Variants in BEST2 observed in about 807,000 individuals in gnomAD.
BEST2 encodes the protein bestrophin 2, also known as bestrophin-2a.
In BEST2, 36 loss-of-function variants were observed where a neutral mutation model predicts 49.0. The ratio of observed to expected loss-of-function variants is 0.73; its 90% CI spans 0.56 to 0.97. The LOEUF (loss-of-function observed/expected upper bound fraction) is 0.97. Among genes scored for constraint, BEST2 ranks in the 50% least tolerant of loss-of-function variants. The pLI, the probability that BEST2 is intolerant of heterozygous loss-of-function variation, is 0.00. For missense variants in BEST2, 672 were observed against 710.0 expected (o/e 0.95, Z 0.61); for synonymous variants, 335 against 304.4 (o/e 1.10, Z -1.05).
Position 12,755,209 on chromosome 19 carries a change from T to C in BEST2, c.637-170T>C, listed in dbSNP as rs896138587. Among the ~76,000 whole-genome samples, 1 of 152,020 alleles carries C rather than the reference T, an allele frequency of 6.6e-6. No individual in the cohort carries two copies. Among genetic ancestry groups the C allele is most frequent in the Admixed American group, 6.6e-5 (1 of 15,266 alleles). Reference sequence around the variant, plus strand: ...CCTTGAGGGGCAGCTCCTGGGTGCATGGTACCTCATCCAGGTGCACACTCA... The same window carrying C: ...CCTTGAGGGGCAGCTCCTGGGTGCACGGTACCTCATCCAGGTGCACACTCA... On this transcript the variant is annotated intron_variant, in intron 5 of 9. Transcript: ENST00000553030. This position sits in a 1 kb window ranked among gnomAD's most constrained non-coding sequence, Gnocchi z 4.4.
Position 12,755,058 on chromosome 19 carries a change from A to T in BEST2, c.636+27A>T, listed in dbSNP as rs988876016. ...TGGGCCCAACCAGGAGGTCATTCATATAGAATACCAGGGAAATTGTACCCC... is the reference window on the plus strand; with the variant it reads ...TGGGCCCAACCAGGAGGTCATTCATTTAGAATACCAGGGAAATTGTACCCC... On this transcript the variant is annotated intron_variant, in intron 5 of 9. Transcript: ENST00000553030. The surrounding 1 kb of genome is among the most constrained non-coding windows in gnomAD (Gnocchi z 4.4). 6.3e-7 allele frequency: 1 copy of T among 1,575,552 alleles called. No homozygotes were observed. The highest frequency in any genetic ancestry group is 2.0e-5 in the Admixed American group (1 of 49,698).
intron 9 of BEST2, 49 bp downstream of exon 9, chr19:12,756,344 T>C: frequency 6.3e-7 from 1 of 1,598,022 alleles, no homozygotes; most frequent in Non-Finnish European, 8.5e-7. Flanking sequence ...CTTATGGCTC[T>C]GCGGGGCACA....
At position 12,752,737 on chromosome 19, in the gene BEST2, G is replaced by A; in HGVS notation, c.145G>A (p.Ala49Thr). Residue 49 changes from alanine (A) to threonine (T), a missense_variant, in exon 2 of 10, where the codon GCC (alanine) becomes ACC (threonine). Ala to Thr is a moderately conservative substitution (Grantham distance 58). Transcript: ENST00000553030. ...FLGFYMALSA[A>T]YRFVLTEGQK... ...TGGGTTCTACATGGCGCTGAGTGCT[G>A]CCTACCGGTGAGGCTGCCCTGAGGT... The A allele has an allele frequency of 6.2e-7, 1 of 1,611,434 alleles. No individual in the cohort carries two copies. Among genetic ancestry groups the A allele is most frequent in the South Asian group, 1.1e-5 (1 of 90,988 alleles).
At chr19:12,757,516 TG>T in intron 9 of BEST2, 134 bp from the exon 10 acceptor site, 1 of 974,742 alleles carries the variant, frequency 1.0e-6, no homozygotes, top group Non-Finnish European at 1.5e-6. Flanking sequence ...GGCCAGGCTC[TG>T]GGTTTAGGAG....
chr19:12,754,468 CG>C lies in BEST2; in HGVS notation c.248-83del, dbSNP rs1967911057. 5.1e-6 allele frequency: 6 copies of C among 1,176,094 alleles called. No homozygotes were observed. In the East Asian group the frequency reaches 1.6e-4, roughly 32 times the overall value. 72.9% of individuals were successfully genotyped at this position (1,176,094 alleles called of 1,614,324 possible). A position where few individuals can be genotyped will look rare whatever the true frequency, so the allele number is the denominator to read the frequency against. On this transcript the variant is annotated intron_variant, in intron 3 of 9. Coordinates refer to ENST00000553030, the MANE Select transcript of BEST2 (RefSeq NM_017682.3). ...TCGGGTTTCCCTGATGCAGACCTTACGTTGCCCCCTCTCCCACAACCTGGGC... is the reference window on the plus strand; with the variant it reads ...TCGGGTTTCCCTGATGCAGACCTTACTTGCCCCCTCTCCCACAACCTGGGC...
intron 2 of BEST2, 52 bp from the exon 3 acceptor site, chr19:12,753,208 C>G: frequency 6.3e-7 from 1 of 1,578,958 alleles, no homozygotes; most frequent in Non-Finnish European, 8.7e-7. Context: ...AGATCTGAAG[C>G]TGGGGATGGA....
chr19:12,753,102 C>T (rs758059504), intron 2 of BEST2, among the ~76,000 whole-genome samples, 158 bp from the exon 3 acceptor site: 7 of 151,988 alleles, frequency 4.6e-5, no homozygotes, highest in African/African-American at 9.7e-5. Flanking sequence ...CCTCCTGCCT[C>T]GGCCTCCCAA....
rs773094930 is a variant in BEST2, at chr19:12,754,984, C to G, written c.589C>G (p.Arg197Gly). Reference protein sequence around the residue: ...WFSNLAAQARREGRIRDNSAL... With the variant: ...WFSNLAAQARGEGRIRDNSAL... ...CTCCAACCTGGCGGCACAGGCCCGACGCGAGGGCCGCATCCGCGACAACAG... is the reference window on the plus strand; with the variant it reads ...CTCCAACCTGGCGGCACAGGCCCGAGGCGAGGGCCGCATCCGCGACAACAG... The change falls in exon 5 of 10, where the codon CGC (arginine) becomes GGC (glycine). Residue 197 changes from arginine to glycine, a missense_variant. Coordinates refer to ENST00000553030, the MANE Select transcript of BEST2 (RefSeq NM_017682.3). The G allele has an allele frequency of 3.7e-6, 6 of 1,612,282 alleles. No individual in the cohort carries two copies. Among genetic ancestry groups the G allele is most frequent in the Middle Eastern group, 3.3e-4 (2 of 6,044 alleles).
In BEST2 at chr19:12,755,095, C is replaced by A; in HGVS notation, c.636+64C>A. 1.3e-6 allele frequency: 2 copies of A among 1,520,712 alleles called. No homozygotes were observed. Among genetic ancestry groups the A allele is most frequent in the South Asian group, 1.3e-5 (1 of 76,276 alleles). 94.2% of individuals were successfully genotyped at this position (1,520,712 alleles called of 1,614,324 possible). The stretch of plus-strand genomic sequence containing the variant: ...GGAAATTGTACCCCTGGAGCTGTGT[C>A]AACGGCGGCCCTCCAAGCACCCCCA... On this transcript the variant is annotated intron_variant, in intron 5 of 9. Coordinates refer to ENST00000553030, the MANE Select transcript of BEST2 (RefSeq NM_017682.3). This position sits in a 1 kb window ranked among gnomAD's most constrained non-coding sequence, Gnocchi z 4.4.
chr19:12,756,566 A>C (rs1187158192), intron 9 of BEST2: 2 of 475,194 alleles, frequency 4.2e-6, no homozygotes, highest in East Asian at 7.7e-5. Flanking sequence ...GGCTGAGGCC[A>C]GGAGCACTGG....
At chr19:12,752,779 A>AC (rs200473398) in intron 2 of BEST2, 35 bp downstream of exon 2, 20,837 of 1,562,942 alleles carry the variant, frequency 0.013, 195 homozygotes, top group Middle Eastern at 0.023. Context: ...GTTCTAGCGG[A>AC]GGGGGGGCAG....
rs915254346 is a variant in BEST2 at position 12,757,648 on chromosome 19, C to A, written c.1104-3C>A. On this transcript the variant is annotated splice_polypyrimidine_tract_variant and splice_region_variant and intron_variant, in intron 9 of 9. Transcript: ENST00000553030. ...CAGCGCTGGCCCACTGTCGGTCCCG[C>A]AGGCTGGCCAAAGAAGACATGCAGT... The A allele has an allele frequency of 2.0e-6, 3 of 1,534,538 alleles. No individual in the cohort carries two copies. Among genetic ancestry groups the A allele is most frequent in the Non-Finnish European group, 2.6e-6 (3 of 1,146,280 alleles).
In BEST2 at chr19:12,753,348, G is replaced by A. The variant is rs746437107; in HGVS notation, c.241G>A (p.Val81Met). 1.2e-5 allele frequency: 20 copies of A among 1,613,866 alleles called. No homozygotes were observed. The highest frequency in any genetic ancestry group is 3.3e-4 in the Middle Eastern group (2 of 6,080). Residue 81 changes from valine (V) to methionine (M), a missense_variant, in exon 3 of 10, where the codon GTG becomes ATG. Val to Met is a conservative substitution (Grantham distance 21). This residue lies in a region of BEST2 where 365 missense variants were observed against 390.9 expected (regional missense o/e 0.93). Transcript: ENST00000553030. ...QYASLIPVSF[V>M]LGFYVTLVVN... The stretch of plus-strand genomic sequence containing the variant: ...TGCCAGCCTCATCCCTGTCTCCTTC[G>A]TGCTTGGTGCGGTCCAACCCCAAGT...
In BEST2 at chr19:12,754,979, C is replaced by A; in HGVS notation, c.584C>A (p.Ala195Asp). 1 of 1,612,994 alleles carries A rather than the reference C, an allele frequency of 6.2e-7. No homozygotes were observed. The highest frequency in any genetic ancestry group is 1.1e-5 in the South Asian group (1 of 90,976). ...CVWFSNLAAQ[A>D]RREGRIRDNS... ...TGGTTCTCCAACCTGGCGGCACAGG[C>A]CCGACGCGAGGGCCGCATCCGCGAC... Residue 195 changes from alanine (A) to aspartate (D), a missense_variant, in exon 5 of 10, where the codon GCC (alanine) becomes GAC (aspartate). By Grantham distance (126) the Ala-to-Asp change is moderately radical. This residue lies in a region of BEST2 where 365 missense variants were observed against 390.9 expected (regional missense o/e 0.93). Transcript: ENST00000553030.
chr19:12,756,225 G>A lies in BEST2; in HGVS notation c.1033G>A (p.Ala345Thr), dbSNP rs764818855. Residue 345 changes from alanine (A) to threonine (T), a missense_variant, in exon 9 of 10, where the codon GCC becomes ACC. Around this residue, in one of 3 missense-constraint regions of BEST2, gnomAD observed 291 missense variants for 279.8 expected, o/e 1.04. Coordinates refer to ENST00000553030, the MANE Select transcript of BEST2 (RefSeq NM_017682.3). ...GTACTGGGATGCAGCCGAGGCTCGC[G>A]CCCCATACACAGCGGCTACTGTCTT... ...DLYWDAAEAR[A>T]PYTAATVFQL... is the part of the protein sequence containing the mutation. 1.9e-6 allele frequency: 3 copies of A among 1,614,166 alleles called. No individual in the cohort carries two copies. Among genetic ancestry groups the A allele is most frequent in the Non-Finnish European group, 8.5e-7 (1 of 1,180,048 alleles).
Position 12,755,327 on chromosome 19 carries a change from C to G in BEST2, c.637-52C>G. On this transcript the variant is annotated intron_variant, in intron 5 of 9. Coordinates refer to ENST00000553030, the MANE Select transcript of BEST2 (RefSeq NM_017682.3). The surrounding 1 kb of genome is among the most constrained non-coding windows in gnomAD (Gnocchi z 4.4). ...CATCCCACGTACCTACACTTAATATCCCTGTGTGAGCTCACCATTCAGGCC... is the reference window on the plus strand; with the variant it reads ...CATCCCACGTACCTACACTTAATATGCCTGTGTGAGCTCACCATTCAGGCC... The G allele has an allele frequency of 6.4e-7, 1 of 1,568,780 alleles. No individual in the cohort carries two copies. Among genetic ancestry groups the G allele is most frequent in the Non-Finnish European group, 8.8e-7 (1 of 1,138,886 alleles).
chr19:12,755,796 G>T lies in BEST2; in HGVS notation c.867+29G>T, dbSNP rs776094537. On this transcript the variant is annotated intron_variant, in intron 7 of 9. Coordinates refer to ENST00000553030, the MANE Select transcript of BEST2 (RefSeq NM_017682.3). This position sits in a 1 kb window ranked among gnomAD's most constrained non-coding sequence, Gnocchi z 4.4. The stretch of plus-strand genomic sequence containing the variant: ...GGTGGGTGATCCAGGCTGGAATTTC[G>T]TGGGTGGGGCGGGCATGGGGTTCCC... 1 of 1,613,616 alleles carries T rather than the reference G, an allele frequency of 6.2e-7. No homozygotes were observed. The highest frequency in any genetic ancestry group is 8.5e-7 in the Non-Finnish European group (1 of 1,179,576).
Position 12,758,018 on chromosome 19 carries a change from GGTCCGGC to G in BEST2, c.1473_1479del (p.Pro492HisfsTer49). ...CATCGTGACCATGCCCGGGCCCCGG[GGTCCGGC>G]GCCACCCTGGCTGCCCAGCCCTATT... is the stretch of plus-strand genomic sequence containing the variant. On this transcript the variant is annotated frameshift_variant, in exon 10 of 10. Transcript: ENST00000553030. LOFTEE classifies it high-confidence loss of function. 1 of 1,613,068 alleles carries G rather than the reference GGTCCGGC, an allele frequency of 6.2e-7. No homozygotes were observed.
Position 12,754,874 on chromosome 19 carries a change from C to T in BEST2, c.482-3C>T. ...CGAGCTATCCCTGACCCCTTTCCTC[C>T]AGGGTTTATGACCCGCGAGGAGCGC... On this transcript the variant is annotated splice_polypyrimidine_tract_variant and splice_region_variant and intron_variant, in intron 4 of 9. Transcript: ENST00000553030. 1 of 1,611,120 alleles carries T rather than the reference C, an allele frequency of 6.2e-7. No individual in the cohort carries two copies. The highest frequency in any genetic ancestry group is 8.5e-7 in the Non-Finnish European group (1 of 1,178,784).
Sources: gnomAD v4.1 joint callset for allele counts (sites outside exome capture counted in the v4.1 genomes callset) on GRCh38, gnomAD v4.1.1 for gene constraint, gnomAD v4.1.1 regional missense constraint, Gnocchi (gnomAD v3.1) non-coding constraint, MANE v1.5 for transcripts, NCBI Gene and HGNC (gene_info 2026-07-23, HGNC 2026-07-21) for gene names.